The following ERG variants were observed in gnomAD, a reference collection of about 807,000 sequenced individuals.
The protein encoded by ERG is ETS transcription factor ERG, also known as transcriptional regulator ERG.
In ERG, 9 loss-of-function variants were observed where a neutral mutation model predicts 55.3. That is an observed-to-expected ratio of 0.16 (90% CI 0.10 to 0.28). ERG has a LOEUF of 0.28. ERG is among the 10% of genes least tolerant of loss of function. The probability of loss-of-function intolerance (pLI) is 1.00; values close to 1 mark genes in which losing one functional copy is unlikely to be tolerated. For synonymous variants in ERG, 223 were observed against 237.3 expected, an observed-to-expected ratio of 0.94 and a Z score of 0.55; for missense variants, 434 against 631.6, an observed-to-expected ratio of 0.69 and a Z score of 3.35.
chr21:38,391,669 A>T lies in ERG; in HGVS notation c.861T>A (p.Arg287=), dbSNP rs981919179. 2 of 1,613,778 alleles carry T rather than the reference A, an allele frequency of 1.2e-6. No homozygotes were observed. The highest frequency in any genetic ancestry group is 3.3e-5 in the Admixed American group (2 of 59,872). Residue 287 remains arginine (R), a synonymous_variant, in exon 8 of 10, where the codon CGT becomes CGA. Coordinates refer to ENST00000288319, the MANE Select transcript of ERG (RefSeq NM_182918.4). ...PSTVPKTEDQ[R]PQLDPYQILG... ...GCCCCTGAAACATACCTAACTGAGG[A>T]CGCTGGTCTTCAGTTTTGGGCACTG...
intron 2 of ERG, among the ~76,000 whole-genome samples, chr21:38,427,309 A>G (rs1357785393): frequency 3.3e-5 from 5 of 152,226 alleles, no homozygotes; most frequent in Non-Finnish European, 7.3e-5. Flanking sequence ...TCCTGACCTA[A>G]GGTGATCCTT....
At chr21:38,390,436 CT>C (rs1987920004) in intron 9 of ERG, among the ~76,000 whole-genome samples, 2 of 152,102 alleles carry the variant, frequency 1.3e-5, no homozygotes, top group East Asian at 1.9e-4. Context: ...AGAATGTGAC[CT>C]TTTTTGGAGA....
chr21:38,430,969 A>C (rs1174782994), intron 2 of ERG, among the ~76,000 whole-genome samples: 1 of 152,050 alleles, frequency 6.6e-6, no homozygotes, highest in African/African-American at 2.4e-5. Flanking sequence ...GAAATAAAAA[A>C]AACCAGAATG....
chr21:38,573,328 G>C (rs1018048181), intron 2 of ERG, among the ~76,000 whole-genome samples: 1 of 152,098 alleles, frequency 6.6e-6, no homozygotes, highest in Non-Finnish European at 1.5e-5. Context: ...AGGTGGATTA[G>C]TAAAAGAGGA....
intron 2 of ERG, among the ~76,000 whole-genome samples, chr21:38,428,931 T>A (rs1989974418): frequency 6.6e-6 from 1 of 152,164 alleles, no homozygotes; most frequent in South Asian, 2.1e-4. Context: ...AGGTGGTGTC[T>A]GGTTACACGA....
At chr21:38,539,665 A>G (rs770212095) in intron 2 of ERG, among the ~76,000 whole-genome samples, 10 of 152,126 alleles carry the variant, frequency 6.6e-5, no homozygotes, top group African/African-American at 1.4e-4. Context: ...ATTCCTTACC[A>G]TTGAAGCCCC....
intron 1 of ERG, among the ~76,000 whole-genome samples, chr21:38,594,638 AATCAT>A (rs2146900193): frequency 6.6e-6 from 1 of 152,348 alleles, no homozygotes; most frequent in African/African-American, 2.4e-5. Context: ...GAAGAACTGG[AATCAT>A]CTGAAGGAGA....
intron 1 of ERG, among the ~76,000 whole-genome samples, chr21:38,472,307 G>T (rs1001884683): frequency 5.3e-5 from 8 of 152,160 alleles, no homozygotes; most frequent in African/African-American, 1.9e-4. Context: ...TCTATGCAAT[G>T]GGTGTTACAC....
intron 2 of ERG, among the ~76,000 whole-genome samples, chr21:38,530,805 A>G (rs2059667097): frequency 6.6e-6 from 1 of 152,224 alleles, no homozygotes; most frequent in Non-Finnish European, 1.5e-5. Flanking sequence ...GATCTGCAAG[A>G]GCAACTGATC....
At chr21:38,388,685 C>T (rs1477531794) in intron 9 of ERG, among the ~76,000 whole-genome samples, 1 of 152,136 alleles carries the variant, frequency 6.6e-6, no homozygotes. Context: ...AAGTCACTTG[C>T]CTGCAAATCA....
At chr21:38,429,784 C>G (rs1990120256) in intron 2 of ERG, among the ~76,000 whole-genome samples, 1 of 151,928 alleles carries the variant, frequency 6.6e-6, no homozygotes, top group South Asian at 2.1e-4. Flanking sequence ...TTTATCCACT[C>G]ATTGGTTGAT....
intron 2 of ERG, among the ~76,000 whole-genome samples, chr21:38,569,703 C>A (rs73215997): frequency 0.087 from 13,279 of 152,178 alleles, 795 homozygotes; most frequent in African/African-American, 0.17. Flanking sequence ...TCCCCTAAAA[C>A]TCTCCCCTCC....
chr21:38,610,381 G>T (rs1325001618), intron 1 of ERG, among the ~76,000 whole-genome samples: 1 of 152,184 alleles, frequency 6.6e-6, no homozygotes, highest in Non-Finnish European at 1.5e-5. Context: ...CTATGCAAAC[G>T]GCAACATTCA....
intron 3 of ERG, among the ~76,000 whole-genome samples, chr21:38,409,674 C>T (rs886966478): frequency 6.6e-6 from 1 of 151,998 alleles, no homozygotes; most frequent in African/African-American, 2.4e-5. Context: ...CCAGCCTCAT[C>T]CGACATGGGC....
chr21:38,622,868 C>A (rs571909399), intron 1 of ERG, among the ~76,000 whole-genome samples: 15 of 150,826 alleles, frequency 9.9e-5, no homozygotes, highest in African/African-American at 3.4e-4. Context: ...CCACACCACA[C>A]ATACTACATG....
chr21:38,427,512 G>A (rs967469278), intron 2 of ERG, among the ~76,000 whole-genome samples: 17 of 152,202 alleles, frequency 1.1e-4, no homozygotes, highest in African/African-American at 3.6e-4. Flanking sequence ...TGTGAACTGA[G>A]TACTCAAAAC....
intron 2 of ERG, among the ~76,000 whole-genome samples, chr21:38,531,357 T>C (rs1445328501): frequency 6.6e-6 from 1 of 152,210 alleles, no homozygotes. Context: ...CATGGTTTTG[T>C]GAGGACTTTT....
chr21:38,613,166 C>T (rs944447220), intron 1 of ERG, among the ~76,000 whole-genome samples: 1 of 152,196 alleles, frequency 6.6e-6, no homozygotes, highest in Non-Finnish European at 1.5e-5. Flanking sequence ...AAGCAGTGAA[C>T]GGACATCATA....
At chr21:38,479,066 G>A (rs2059214322) in intron 1 of ERG, among the ~76,000 whole-genome samples, 1 of 152,160 alleles carries the variant, frequency 6.6e-6, no homozygotes, top group Non-Finnish European at 1.5e-5. Flanking sequence ...AAACTGAAAT[G>A]GTTGCAGAGT....
Sources: allele counts gnomAD v4.1 joint callset (sites outside exome capture counted in the v4.1 genomes callset), GRCh38; gene constraint gnomAD v4.1.1; transcripts MANE v1.5; gene names NCBI Gene and HGNC (gene_info 2026-07-23, HGNC 2026-07-21).